Variants in CFAP61 observed in about 807,000 individuals in gnomAD.
CFAP61 encodes cilia- and flagella-associated protein 61.
In CFAP61, 107 loss-of-function variants were observed where a neutral mutation model predicts 135.6. The ratio of observed to expected loss-of-function variants is 0.79; its 90% CI spans 0.67 to 0.93. The LOEUF (loss-of-function observed/expected upper bound fraction) is 0.93. CFAP61 is among the 40% of genes least tolerant of loss of function. The probability of loss-of-function intolerance (pLI) is 0.00; values close to 1 mark genes in which losing one functional copy is unlikely to be tolerated. For missense variants in CFAP61, 1,507 were observed against 1,556.2 expected, an observed-to-expected ratio of 0.97 and a Z score of 0.53; for synonymous variants, 575 against 578.5, an observed-to-expected ratio of 0.99 and a Z score of 0.09.
intron 8 of CFAP61, among the ~76,000 whole-genome samples, chr20:20,108,801 A>G (rs546434821): frequency 6.6e-6 from 1 of 152,302 alleles, no homozygotes; most frequent in Non-Finnish European, 1.5e-5. Flanking sequence ...ATACTTTTGT[A>G]TGTATTTGCT....
In CFAP61 at chr20:20,277,253, A is replaced by G. The variant is rs749953838; in HGVS notation, c.2591A>G (p.His864Arg). The stretch of plus-strand genomic sequence containing the variant: ...CTTGGCGTGAGCGGCAGCCGCATCC[A>G]CCTCGTGCAGCCCCCGCCCGCCTCC... ...LNLGVSGSRI[H>R]LVQPPPASTI... is the part of the protein sequence containing the mutation. Residue 864 changes from histidine (H) to arginine (R), a missense_variant, in exon 22 of 27, where the codon CAC becomes CGC. His to Arg is a conservative substitution (Grantham distance 29, BLOSUM62 0). Transcript: ENST00000245957. The G allele has an allele frequency of 2.5e-6, 4 of 1,613,904 alleles. No homozygotes were observed. Among genetic ancestry groups the G allele is most frequent in the South Asian group, 1.1e-5 (1 of 91,070 alleles).
chr20:20,266,713 T>C (rs2147019800), intron 21 of CFAP61, among the ~76,000 whole-genome samples: 1 of 152,306 alleles, frequency 6.6e-6, no homozygotes, highest in South Asian at 2.1e-4. Context: ...TCCTCACGAA[T>C]AACAGACATT....
chr20:20,338,809 G>A (rs1187668854), intron 25 of CFAP61, among the ~76,000 whole-genome samples: 1 of 152,238 alleles, frequency 6.6e-6, no homozygotes, highest in African/African-American at 2.4e-5. Context: ...TAACTGCCTG[G>A]ATGAGCAGGC....
chr20:20,179,444 T>G (rs975874780), intron 13 of CFAP61, among the ~76,000 whole-genome samples: 2 of 152,184 alleles, frequency 1.3e-5, no homozygotes, highest in African/African-American at 4.8e-5. Flanking sequence ...ATCATTAAAA[T>G]GACCATACTG....
At chr20:20,187,605 A>G (rs995792518) in intron 13 of CFAP61, among the ~76,000 whole-genome samples, 1 of 152,186 alleles carries the variant, frequency 6.6e-6, no homozygotes, top group African/African-American at 2.4e-5. Context: ...TTTGTAACAT[A>G]ATTTAAAAAT....
chr20:20,237,236 C>G (rs559048004), intron 18 of CFAP61, among the ~76,000 whole-genome samples: 1 of 152,278 alleles, frequency 6.6e-6, no homozygotes, highest in East Asian at 1.9e-4. Context: ...CAGAGAGCAC[C>G]CAGGGCCCTC....
intron 1 of CFAP61, 79 bp downstream of exon 1, chr20:20,052,670 C>T (rs969604281): frequency 6.2e-7 from 1 of 1,613,292 alleles, no homozygotes; most frequent in Admixed American, 1.7e-5. Context: ...AGGTCAGCCT[C>T]CGGAACTGGG....
chr20:20,108,206 T>G (rs991553293), intron 8 of CFAP61, among the ~76,000 whole-genome samples: 1 of 152,168 alleles, frequency 6.6e-6, no homozygotes, highest in Non-Finnish European at 1.5e-5. Flanking sequence ...GGTTGACTGA[T>G]ATAACATTCT....
chr20:20,121,272 AT>A (rs1325218234), intron 8 of CFAP61, among the ~76,000 whole-genome samples: 8 of 148,140 alleles, frequency 5.4e-5, no homozygotes, highest in East Asian at 4.0e-4. Flanking sequence ...CAACTGGCTA[AT>A]TTTTTTTTTA....
At chr20:20,084,019 TGAAAA>T (rs2046617546) in intron 6 of CFAP61, among the ~76,000 whole-genome samples, 1 of 150,720 alleles carries the variant, frequency 6.6e-6, no homozygotes, top group African/African-American at 2.5e-5. Flanking sequence ...CAAGAGATCT[TGAAAA>T]GAAAAAGGGT....
At chr20:20,304,496 G>A (rs1192565794) in intron 25 of CFAP61, among the ~76,000 whole-genome samples, 2 of 151,354 alleles carry the variant, frequency 1.3e-5, no homozygotes, top group African/African-American at 4.9e-5. Flanking sequence ...CACAGGCCTC[G>A]CTCATGCACA....
chr20:20,267,242 C>T (rs1205177260), intron 21 of CFAP61, among the ~76,000 whole-genome samples: 2 of 152,072 alleles, frequency 1.3e-5, no homozygotes, highest in African/African-American at 4.8e-5. Context: ...CCAAAAGACA[C>T]TGGGCCAACA....
At position 20,090,051 on chromosome 20, in the gene CFAP61, T is replaced by C. The variant is rs558702021; in HGVS notation, c.567-793T>C. Among the ~76,000 whole-genome samples, 8 of 152,352 alleles carry C rather than the reference T, an allele frequency of 5.3e-5. No homozygotes were observed. In the South Asian group the frequency reaches 1.7e-3, roughly 32 times the overall value. On this transcript the variant is annotated intron_variant, in intron 6 of 26. Coordinates refer to ENST00000245957, the MANE Select transcript of CFAP61 (RefSeq NM_015585.4). Reference sequence around the variant, plus strand: ...ACTGTTTTTAGGCATTGGAATTCTTTGGGCTGAGAGGATGCTCGGGACAAT... The same window carrying C: ...ACTGTTTTTAGGCATTGGAATTCTTCGGGCTGAGAGGATGCTCGGGACAAT...
intron 13 of CFAP61, among the ~76,000 whole-genome samples, chr20:20,175,616 C>G (rs1171981903): frequency 6.6e-6 from 1 of 152,078 alleles, no homozygotes; most frequent in Non-Finnish European, 1.5e-5. Context: ...AGCTCTGACT[C>G]CCAGGTTTCA....
At chr20:20,250,504 C>G (rs977370508) in intron 19 of CFAP61, among the ~76,000 whole-genome samples, 8 of 152,162 alleles carry the variant, frequency 5.3e-5, no homozygotes, top group African/African-American at 1.9e-4. Context: ...GTCCCAGCTA[C>G]TCAGGAGGCT....
intron 21 of CFAP61, chr20:20,265,791 T>TA (rs1286915231): frequency 1.8e-5 from 5 of 271,418 alleles, no homozygotes; most frequent in Admixed American, 1.0e-4. Context: ...AATTCTCAAG[T>TA]AAAAAAAGTT....
chr20:20,101,521 A>G (rs754652395), intron 8 of CFAP61, among the ~76,000 whole-genome samples: 20 of 152,210 alleles, frequency 1.3e-4, no homozygotes, highest in Non-Finnish European at 2.5e-4. Context: ...AGTCTTGGCA[A>G]GGTAACGTCT....
At chr20:20,334,987 T>C (rs548857931) in intron 25 of CFAP61, among the ~76,000 whole-genome samples, 2 of 152,336 alleles carry the variant, frequency 1.3e-5, no homozygotes, top group Non-Finnish European at 2.9e-5. Flanking sequence ...AAAATTGTAC[T>C]GAAATGCATG....
chr20:20,322,866 A>G, intron 25 of CFAP61: 2 of 985,174 alleles, frequency 2.0e-6, no homozygotes, highest in Non-Finnish European at 2.4e-6. Flanking sequence ...AATCAAATTT[A>G]CTAATATGAC....
Sources: allele counts gnomAD v4.1 joint callset (sites outside exome capture counted in the v4.1 genomes callset), GRCh38; gene constraint gnomAD v4.1.1; transcripts MANE v1.5; gene names NCBI Gene and HGNC (gene_info 2026-07-23, HGNC 2026-07-21).